The following SPON1 variants were observed in gnomAD, a reference collection of about 807,000 sequenced individuals.
SPON1 encodes the protein spondin 1.
Under a neutral mutation model 111.7 loss-of-function variants are expected in SPON1, and 52 were observed. The ratio of observed to expected loss-of-function variants is 0.47; its 90% confidence interval spans 0.37 to 0.59. The LOEUF (loss-of-function observed/expected upper bound fraction) is 0.59. SPON1 is among the 20% of genes least tolerant of loss of function. The pLI is 0.00. For missense variants in SPON1, 957 were observed against 1,068.5 expected (o/e 0.90, Z 1.46); for synonymous variants, 410 against 395.8 (o/e 1.04, Z -0.43).
chr11:14,192,789 C>T (rs889254133), intron 6 of SPON1, among the ~76,000 whole-genome samples: 4 of 147,816 alleles, frequency 2.7e-5, no homozygotes, highest in African/African-American at 7.4e-5. Context: ...AAGTTGTGCC[C>T]GGGGGAGAAC....
rs186509552 is a variant in SPON1, at chr11:14,267,205, C to G, written c.*1518C>G. 8.9e-4 allele frequency: 135 copies of G among 152,246 alleles called. No homozygotes were observed. Among genetic ancestry groups the G allele is most frequent in the African/African-American group, 3.2e-3 (132 of 41,552 alleles). The allele number at this position is 152,246 out of a possible 1,614,324, so 9.4% of individuals were successfully genotyped here. ...AGAGAGACTATTCAATAAAAACTCA[C>G]TGGGTCTTTCATGTCTTTAAGCTAA... On this transcript the variant is annotated 3_prime_UTR_variant, in exon 16 of 16. Transcript: ENST00000576479.
At chr11:14,090,200 A>G (rs1554923122) in intron 5 of SPON1, among the ~76,000 whole-genome samples, 3 of 3,594 alleles carry the variant, frequency 8.3e-4, no homozygotes, top group East Asian at 0.014. Flanking sequence ...CTAGGGTATG[A>G]AAAAAAAAAA....
chr11:14,090,819 A>C (rs1554923205), intron 5 of SPON1, among the ~76,000 whole-genome samples: 10 of 73,506 alleles, frequency 1.4e-4, no homozygotes, highest in African/African-American at 5.0e-4. Flanking sequence ...TTATTCTCTT[A>C]TCTGGCCCCC....
intron 4 of SPON1, 40 bp from the exon 5 acceptor site, chr11:14,079,859 C>T (rs748640207): frequency 1.2e-5 from 19 of 1,612,808 alleles, no homozygotes; most frequent in Middle Eastern, 1.7e-4. Context: ...ATACAACCCA[C>T]GTTTACTTTC....
rs71465795 is a variant in SPON1, at chr11:14,131,711, G to A, written c.677-3709G>A. ...TTTCTATTTCTTAAAGGGAAACTGA[G>A]GCTCTGAGAGATTGAATGACTGGTT... On this transcript the variant is annotated intron_variant, in intron 5 of 15. Transcript: ENST00000576479. 6.1e-3 allele frequency among the ~76,000 whole-genome samples: 928 copies of A among 152,310 alleles called. 2 individuals carry two copies. Among genetic ancestry groups the A allele is most frequent in the Non-Finnish European group, 0.01 (691 of 68,034 alleles).
At chr11:14,096,062 C>A (rs908075389) in intron 5 of SPON1, among the ~76,000 whole-genome samples, 12 of 152,204 alleles carry the variant, frequency 7.9e-5, no homozygotes, top group African/African-American at 2.9e-4. Flanking sequence ...TGGCACCCAA[C>A]ACTTGTGTCG....
At chr11:14,123,186 G>T (rs1554926697) in intron 5 of SPON1, among the ~76,000 whole-genome samples, 1 of 151,932 alleles carries the variant, frequency 6.6e-6, no homozygotes, top group Admixed American at 6.6e-5. Flanking sequence ...TCTCACCTAG[G>T]CCTCCCAAAG....
intron 4 of SPON1, 48 bp from the exon 5 acceptor site, chr11:14,079,851 A>G (rs1409968083): frequency 1.2e-6 from 2 of 1,611,822 alleles, no homozygotes; most frequent in Non-Finnish European, 1.7e-6. Flanking sequence ...CACCTTATAT[A>G]CAACCCACGT....
At chr11:13,964,303 G>A (rs879946940) in intron 1 of SPON1, among the ~76,000 whole-genome samples, 17 of 152,368 alleles carry the variant, frequency 1.1e-4, no homozygotes, top group Middle Eastern at 6.8e-3. Flanking sequence ...AAGCAGGGAT[G>A]AGCGGGTCAC....
intron 1 of SPON1, among the ~76,000 whole-genome samples, chr11:13,979,505 A>C (rs911032501): frequency 2.4e-4 from 36 of 152,328 alleles, no homozygotes; most frequent in African/African-American, 7.9e-4. Flanking sequence ...AACTAGTAAG[A>C]GAGTAGGGGA....
chr11:13,976,068 C>T (rs554570301), intron 1 of SPON1, among the ~76,000 whole-genome samples: 75 of 152,064 alleles, frequency 4.9e-4, no homozygotes, highest in Non-Finnish European at 9.3e-4. Context: ...ATAAGAAAGG[C>T]GATATCATCA....
At position 13,962,874 on chromosome 11, in the gene SPON1, C is replaced by T. The variant is rs1554907606; in HGVS notation, c.-31C>T. ...GCAGGAGTCGCGTGGCGAAGGCCTG[C>T]GGCCGCGGCACAAAGTTGGGGGCCG... is the stretch of plus-strand genomic sequence containing the variant. On this transcript the variant is annotated 5_prime_UTR_variant, in exon 1 of 16. Transcript: ENST00000576479. The T allele has an allele frequency of 6.3e-6, 9 of 1,429,652 alleles. No homozygotes were observed. The highest frequency in any genetic ancestry group is 1.5e-5 in the African/African-American group (1 of 67,008). 88.6% of individuals were successfully genotyped at this position (1,429,652 alleles called of 1,614,324 possible).
intron 2 of SPON1, among the ~76,000 whole-genome samples, chr11:14,002,981 T>G (rs1208968846): frequency 6.6e-6 from 1 of 152,066 alleles, no homozygotes; most frequent in East Asian, 1.9e-4. Flanking sequence ...CTACACATGT[T>G]TTACCCACTT....
rs1393279640 is a variant in SPON1 at position 14,010,401 on chromosome 11, A to T, written c.345+27448A>T. Reference sequence around the variant, plus strand: ...AAAGGAAGACCCACAGATTAAAAAAAGATGAGCTAAGTGTAGAGATGTAAA... The same window carrying T: ...AAAGGAAGACCCACAGATTAAAAAATGATGAGCTAAGTGTAGAGATGTAAA... On this transcript the variant is annotated intron_variant, in intron 2 of 15. Transcript: ENST00000576479. 2.6e-5 allele frequency among the ~76,000 whole-genome samples: 4 copies of T among 152,308 alleles called. No individual in the cohort carries two copies. In the East Asian group the frequency reaches 7.7e-4, roughly 29 times the overall value.
At chr11:14,094,858 G>A (rs150514359) in intron 5 of SPON1, among the ~76,000 whole-genome samples, 17 of 152,316 alleles carry the variant, frequency 1.1e-4, no homozygotes, top group African/African-American at 3.8e-4. Context: ...GGGAGGATGC[G>A]CAAGGAGGAC....
rs116028619 is a variant in SPON1 at position 14,017,263 on chromosome 11, A to G, written c.346-24258A>G. Reference sequence around the variant, plus strand: ...AAGCATTGTCATTGAGTTGAAAGCCATGGAGGTCACAAATAAAAAGAGTTA... The same window carrying G: ...AAGCATTGTCATTGAGTTGAAAGCCGTGGAGGTCACAAATAAAAAGAGTTA... On this transcript the variant is annotated intron_variant, in intron 2 of 15. Coordinates refer to ENST00000576479, the MANE Select transcript of SPON1 (RefSeq NM_006108.4). 1.1e-3 allele frequency among the ~76,000 whole-genome samples: 172 copies of G among 152,366 alleles called. 3 individuals carry two copies. The Middle Eastern group carries it at 0.014, about 12-fold the overall frequency.
intron 2 of SPON1, among the ~76,000 whole-genome samples, chr11:14,037,754 CTT>C (rs1848605014): frequency 6.6e-6 from 1 of 152,174 alleles, no homozygotes; most frequent in Non-Finnish European, 1.5e-5. Flanking sequence ...AAATTTAAAA[CTT>C]TTGCTGTGTG....
chr11:14,125,115 C>T (rs1416228210), intron 5 of SPON1, among the ~76,000 whole-genome samples: 1 of 152,182 alleles, frequency 6.6e-6, no homozygotes, highest in Non-Finnish European at 1.5e-5. Context: ...ACAGAGAATG[C>T]CAAAGGACAA....
chr11:14,259,406 T>C lies in SPON1; in HGVS notation c.1619T>C (p.Leu540Pro), dbSNP rs782577161. Residue 540 changes from leucine (L) to proline (P), a missense_variant, in exon 12 of 16, where the codon CTG becomes CCG. Physicochemically the swap from Leu to Pro is moderately conservative, Grantham distance 98. Transcript: ENST00000576479. This position sits in a 1 kb window ranked among gnomAD's most constrained non-coding sequence, Gnocchi z 5.0. ...CCGGAGGACGGCTCCGTGTGCACGCTGCCCACTGAGGAAACGGAGAAGTGC... is the reference window on the plus strand; with the variant it reads ...CCGGAGGACGGCTCCGTGTGCACGCCGCCCACTGAGGAAACGGAGAAGTGC... ...QFPEDGSVCTLPTEETEKCTV... is the reference protein window; with the variant it reads ...QFPEDGSVCTPPTEETEKCTV... 5.0e-6 allele frequency: 8 copies of C among 1,611,128 alleles called. No individual in the cohort carries two copies. The highest frequency in any genetic ancestry group is 6.8e-6 in the Non-Finnish European group (8 of 1,178,988).
Sources: allele counts gnomAD v4.1 joint callset (sites outside exome capture counted in the v4.1 genomes callset), GRCh38; gene constraint gnomAD v4.1.1; non-coding constraint Gnocchi (gnomAD v3.1); transcripts MANE v1.5; gene names NCBI Gene and HGNC (gene_info 2026-07-23, HGNC 2026-07-21).